Variants in ARHGAP18 observed in about 807,000 individuals in gnomAD.
ARHGAP18 encodes Rho GTPase activating protein 18.
ARHGAP18 carries 67 observed loss-of-function variants against 86.2 expected under a neutral mutation model. That is an observed-to-expected ratio of 0.78 (90% CI 0.64 to 0.95). ARHGAP18 has a LOEUF of 0.95. ARHGAP18 is among the 40% of genes least tolerant of loss of function. The pLI is 0.00. For missense variants in ARHGAP18, 691 were observed against 780.4 expected, an observed-to-expected ratio of 0.89 and a Z score of 1.37; for synonymous variants, 283 against 280.4, an observed-to-expected ratio of 1.01 and a Z score of -0.09.
chr6:129,624,735 A>T (rs547915884), intron 5 of ARHGAP18, among the ~76,000 whole-genome samples: 1 of 151,516 alleles, frequency 6.6e-6, no homozygotes, highest in East Asian at 1.9e-4. Flanking sequence ...ACCTGAGGAG[A>T]GGAGTTCAAG....
chr6:129,704,505 C>A (rs1473202378), intron 1 of ARHGAP18, among the ~76,000 whole-genome samples: 1 of 152,060 alleles, frequency 6.6e-6, no homozygotes, highest in Admixed American at 6.6e-5. Context: ...TTACCCCAGC[C>A]CCCTTATGCC....
intron 7 of ARHGAP18, among the ~76,000 whole-genome samples, chr6:129,613,286 C>A (rs1376384891): frequency 1.3e-5 from 2 of 150,864 alleles, no homozygotes; most frequent in Non-Finnish European, 3.0e-5. Flanking sequence ...TTTCCAAGAC[C>A]ACATTTTTCA....
In ARHGAP18 at chr6:129,608,020, A is replaced by G. The variant is rs1341558931; in HGVS notation, c.1155T>C (p.Tyr385=). Residue 385 remains tyrosine, a synonymous_variant, in exon 9 of 15, where the codon TAT becomes TAC. Transcript: ENST00000368149. ...CACTTTCCCAATTAAAAGTCCCTTC[A>G]TAAAACTTTGCTTCTAGTTCTTGGC... The part of the protein sequence containing the change: ...NLCQELEAKF[Y]EGTFNWESVK... The G allele has an allele frequency of 2.5e-6, 4 of 1,608,198 alleles. No homozygotes were observed. Among genetic ancestry groups the G allele is most frequent in the Non-Finnish European group, 2.5e-6 (3 of 1,178,104 alleles).
chr6:129,625,604 A>ATGT (rs1562697796), intron 5 of ARHGAP18, among the ~76,000 whole-genome samples: 1 of 50,844 alleles, frequency 2.0e-5, no homozygotes, highest in Non-Finnish European at 3.5e-5. Context: ...TATATATTAT[A>ATGT]TATTATTATA....
intron 5 of ARHGAP18, among the ~76,000 whole-genome samples, chr6:129,626,063 TATAC>T (rs1204612244): frequency 2.5e-4 from 7 of 28,406 alleles, no homozygotes; most frequent in African/African-American, 1.0e-3. Context: ...TATATACACA[TATAC>T]ACACACACAC....
intron 1 of ARHGAP18, among the ~76,000 whole-genome samples, chr6:129,658,788 C>CA (rs1469925066): frequency 2.0e-5 from 3 of 152,096 alleles, no homozygotes; most frequent in Non-Finnish European, 4.4e-5. Flanking sequence ...TTCACTGAAA[C>CA]AAATTTAAAG....
At chr6:129,652,583 TAC>T (rs1773737876) in intron 1 of ARHGAP18, among the ~76,000 whole-genome samples, 1 of 152,236 alleles carries the variant, frequency 6.6e-6, no homozygotes, top group Non-Finnish European at 1.5e-5. Flanking sequence ...ATCTCATCAC[TAC>T]AGTTTGCCAA....
intron 11 of ARHGAP18, among the ~76,000 whole-genome samples, chr6:129,600,417 G>A (rs1299839272): frequency 6.6e-6 from 1 of 152,140 alleles, no homozygotes; most frequent in Non-Finnish European, 1.5e-5. Flanking sequence ...CCTAAACACT[G>A]AGAAATGGGA....
At chr6:129,587,383 A>T (rs911295788) in intron 12 of ARHGAP18, among the ~76,000 whole-genome samples, 2 of 152,226 alleles carry the variant, frequency 1.3e-5, no homozygotes, top group Admixed American at 6.5e-5. Flanking sequence ...TACTAACATT[A>T]GCATGTATCT....
Position 129,638,639 on chromosome 6 carries a change from T to C in ARHGAP18, c.317-10A>G, listed in dbSNP as rs1413879167. On this transcript the variant is annotated splice_polypyrimidine_tract_variant and intron_variant, in intron 2 of 14. Transcript: ENST00000368149. ...TCTTCCAATTCTCCCTCTAAGACAG[T>C]AGAGAAAAGTGGTACTTAAATCACA... is the stretch of plus-strand genomic sequence containing the variant. 1.9e-6 allele frequency: 3 copies of C among 1,602,626 alleles called. No homozygotes were observed. The African/African-American group carries it at 4.0e-5, about 22-fold the overall frequency.
chr6:129,619,678 A>T (rs918746950), intron 5 of ARHGAP18, among the ~76,000 whole-genome samples: 1 of 148,256 alleles, frequency 6.7e-6, no homozygotes, highest in African/African-American at 2.5e-5. Flanking sequence ...TGACATGAAG[A>T]AGACAAGTAG....
intron 12 of ARHGAP18, chr6:129,596,683 C>T (rs992512191): frequency 6.6e-6 from 1 of 152,186 alleles, no homozygotes; most frequent in African/African-American, 2.4e-5. Context: ...AAGCTACCCC[C>T]AGGCAATTTC....
At position 129,621,696 on chromosome 6, in the gene ARHGAP18, A is replaced by G. The variant is rs117102715; in HGVS notation, c.787-2844T>C. Among the ~76,000 whole-genome samples the G allele has an allele frequency of 9.3e-4, 142 of 152,336 alleles. 2 individuals carry two copies. In the East Asian group the frequency reaches 0.026, roughly 28 times the overall value. Reference sequence around the variant, plus strand: ...ATTATATTTTTTTCATGGAGCTTTTAAAATAATATCAACATTTCATGGTCT... The same window carrying G: ...ATTATATTTTTTTCATGGAGCTTTTGAAATAATATCAACATTTCATGGTCT... On this transcript the variant is annotated intron_variant, in intron 5 of 14. Transcript: ENST00000368149.
intron 1 of ARHGAP18, among the ~76,000 whole-genome samples, chr6:129,695,036 C>T (rs1774589752): frequency 6.6e-6 from 1 of 151,968 alleles, no homozygotes; most frequent in South Asian, 2.1e-4. Flanking sequence ...CCAAAATGTA[C>T]AATTTTTAAC....
At chr6:129,609,652 C>CT (rs1238334322) in intron 8 of ARHGAP18, among the ~76,000 whole-genome samples, 3 of 151,216 alleles carry the variant, frequency 2.0e-5, no homozygotes, top group Non-Finnish European at 2.9e-5. Context: ...ACAATGTCCA[C>CT]TAGTGGCAAA....
At position 129,669,481 on chromosome 6, in the gene ARHGAP18, A is replaced by C. The variant is rs1240769419; in HGVS notation, c.114-27463T>G. On this transcript the variant is annotated intron_variant, in intron 1 of 14. Transcript: ENST00000368149. The stretch of plus-strand genomic sequence containing the variant: ...GCCACCGCGCCCGGCCCTAACATGC[A>C]CTTTTTAAAGTCAGGAAAAATAGGC... Among the ~76,000 whole-genome samples, 7 of 147,914 alleles carry C rather than the reference A, an allele frequency of 4.7e-5. No homozygotes were observed. In the South Asian group the frequency reaches 9.2e-4, roughly 20 times the overall value.
At chr6:129,661,320 A>C (rs963493445) in intron 1 of ARHGAP18, among the ~76,000 whole-genome samples, 1 of 150,970 alleles carries the variant, frequency 6.6e-6, no homozygotes, top group African/African-American at 2.4e-5. Flanking sequence ...AAAAAAAAAA[A>C]AAAAAAAAAA....
intron 12 of ARHGAP18, among the ~76,000 whole-genome samples, chr6:129,592,438 C>A (rs1018905954): frequency 6.6e-6 from 1 of 152,192 alleles, no homozygotes; most frequent in East Asian, 1.9e-4. Context: ...ACATCCATAG[C>A]CCTACACTTT....
intron 1 of ARHGAP18, among the ~76,000 whole-genome samples, chr6:129,707,631 AGTTT>A (rs1448035600): frequency 2.3e-4 from 32 of 137,320 alleles, no homozygotes; most frequent in African/African-American, 8.5e-4. Flanking sequence ...TACCATTTCT[AGTTT>A]GTTTGTGGTT....
Sources: gnomAD v4.1 joint callset for allele counts (sites outside exome capture counted in the v4.1 genomes callset) on GRCh38, gnomAD v4.1.1 for gene constraint, MANE v1.5 for transcripts, NCBI Gene and HGNC (gene_info 2026-07-23, HGNC 2026-07-21) for gene names.